The following CTPS2 variants were observed in gnomAD, a reference collection of about 807,000 sequenced individuals.
CTPS2 encodes the protein CTP synthase II.
A neutral mutation model predicts 46.8 loss-of-function variants in CTPS2; 19 were observed. That is an observed-to-expected ratio of 0.41 (90% CI 0.28 to 0.60). CTPS2 has a LOEUF of 0.60. CTPS2 is among the 20% of genes least tolerant of loss of function. CTPS2 has a pLI of 0.35. For synonymous variants in CTPS2, 151 were observed against 165.2 expected, an observed-to-expected ratio of 0.91 and a Z score of 0.66; for missense variants, 286 against 447.6, an observed-to-expected ratio of 0.64 and a Z score of 3.26.
intron 1 of CTPS2, among the ~76,000 whole-genome samples, chrX:16,711,310 T>G (rs1322274568): frequency 2.7e-5 from 3 of 111,798 alleles, no homozygotes; most frequent in Non-Finnish European, 1.9e-5. Flanking sequence ...TGTACTAAGC[T>G]TTCAGAAATC....
chrX:16,593,239 C>T (rs1009306878), intron 17 of CTPS2, among the ~76,000 whole-genome samples: 2 of 110,686 alleles, frequency 1.8e-5, no homozygotes, highest in Admixed American at 9.6e-5. Flanking sequence ...ATCATCCTGG[C>T]TAACACGGTG....
At chrX:16,708,067 T>C (rs938117381) in intron 1 of CTPS2, among the ~76,000 whole-genome samples, 1 of 112,264 alleles carries the variant, frequency 8.9e-6, no homozygotes, top group African/African-American at 3.2e-5. Context: ...ATTTGTAATT[T>C]CACAATTTTT....
intron 13 of CTPS2, among the ~76,000 whole-genome samples, chrX:16,659,186 C>T: frequency 9.0e-6 from 1 of 111,611 alleles, no homozygotes; most frequent in East Asian, 2.8e-4. Context: ...TAGCCCCTCG[C>T]AGAGTTAATA....
intron 14 of CTPS2, among the ~76,000 whole-genome samples, chrX:16,636,969 G>A (rs947979535): frequency 8.9e-6 from 1 of 111,745 alleles, no homozygotes; most frequent in Non-Finnish European, 1.9e-5. Flanking sequence ...ACTACTAATA[G>A]ACAAATTATA....
At chrX:16,599,267 C>T (rs1216550564) in intron 17 of CTPS2, among the ~76,000 whole-genome samples, 1 of 111,156 alleles carries the variant, frequency 9.0e-6, no homozygotes, top group Non-Finnish European at 1.9e-5. Flanking sequence ...GGTCTATCTA[C>T]CATTAATGAA....
At chrX:16,627,574 AC>A (rs1181452970) in intron 14 of CTPS2, among the ~76,000 whole-genome samples, 1 of 111,185 alleles carries the variant, frequency 9.0e-6, no homozygotes. Flanking sequence ...CACAGTCCCT[AC>A]CACTCCTTAC....
chrX:16,666,632 G>C (rs1356135566), intron 13 of CTPS2, among the ~76,000 whole-genome samples: 1 of 111,399 alleles, frequency 9.0e-6, no homozygotes, highest in East Asian at 2.8e-4. Flanking sequence ...CTGTGTGACA[G>C]AGTGAGAACT....
chrX:16,704,057 G>A (rs1284646451), intron 1 of CTPS2, among the ~76,000 whole-genome samples: 1 of 108,554 alleles, frequency 9.2e-6, no homozygotes, highest in African/African-American at 3.4e-5. Context: ...TCATGCCTCA[G>A]CCTCCCAAGT....
chrX:16,663,909 C>A (rs998718959), intron 13 of CTPS2, among the ~76,000 whole-genome samples: 2 of 110,890 alleles, frequency 1.8e-5, no homozygotes, highest in Non-Finnish European at 3.8e-5. Flanking sequence ...AATCTCGGCT[C>A]ACTGGAAGCT....
chrX:16,632,330 G>A (rs780483226), intron 14 of CTPS2, among the ~76,000 whole-genome samples: 2 of 111,785 alleles, frequency 1.8e-5, no homozygotes, highest in East Asian at 5.6e-4. Flanking sequence ...AAAAATCGAG[G>A]TATAATTTAC....
chrX:16,708,120 C>A (rs1162131944), intron 1 of CTPS2, among the ~76,000 whole-genome samples: 1 of 112,180 alleles, frequency 8.9e-6, no homozygotes, highest in Non-Finnish European at 1.9e-5. Context: ...CGGGTAGGAA[C>A]AATTTCAGTT....
chrX:16,656,661 G>A (rs1248974590), intron 13 of CTPS2, among the ~76,000 whole-genome samples: 4 of 111,667 alleles, frequency 3.6e-5, no homozygotes, highest in Non-Finnish European at 7.5e-5. Flanking sequence ...TGATCCGCTC[G>A]TCTCGGCCTC....
chrX:16,687,265 C>T (rs1372286062), intron 8 of CTPS2, among the ~76,000 whole-genome samples: 3 of 109,141 alleles, frequency 2.7e-5, no homozygotes, highest in Non-Finnish European at 5.7e-5. Context: ...TTTGGGAGGC[C>T]GAGGCAGGAA....
At chrX:16,711,202 T>C (rs753174981) in intron 1 of CTPS2, among the ~76,000 whole-genome samples, 1 of 112,447 alleles carries the variant, frequency 8.9e-6, no homozygotes, top group Non-Finnish European at 1.9e-5. Context: ...ATGAAGTTCA[T>C]GTTAATATAT....
chrX:16,682,408 G>A (rs1229987667), intron 9 of CTPS2, among the ~76,000 whole-genome samples: 2 of 111,957 alleles, frequency 1.8e-5, no homozygotes, highest in East Asian at 2.8e-4. Context: ...TTGCTGGAAC[G>A]GTGAAGACAG....
chrX:16,643,312 C>T (rs1194138862), intron 13 of CTPS2, among the ~76,000 whole-genome samples: 1 of 111,898 alleles, frequency 8.9e-6, no homozygotes, highest in Non-Finnish European at 1.9e-5. Context: ...AAAGCCTACT[C>T]ACCAGCAGCT....
At chrX:16,599,306 G>A (rs1036267127) in intron 17 of CTPS2, among the ~76,000 whole-genome samples, 9 of 110,935 alleles carry the variant, frequency 8.1e-5, no homozygotes, top group Non-Finnish European at 1.5e-4. Flanking sequence ...TTATGCATGC[G>A]TGTGCCTCCC....
intron 1 of CTPS2, among the ~76,000 whole-genome samples, chrX:16,705,351 T>C (rs189679698): frequency 8.9e-6 from 1 of 112,294 alleles, no homozygotes; most frequent in Admixed American, 9.5e-5. Context: ...AAGAGACTGA[T>C]TTGAGTAACT....
intron 14 of CTPS2, among the ~76,000 whole-genome samples, chrX:16,636,848 C>T (rs1602173217): frequency 4.6e-5 from 5 of 109,274 alleles, no homozygotes; most frequent in East Asian, 2.9e-4. Flanking sequence ...ACCTGGGAGG[C>T]GGAGCTTGCA....
Sources: allele counts gnomAD v4.1 joint callset (sites outside exome capture counted in the v4.1 genomes callset), GRCh38; gene constraint gnomAD v4.1.1; transcripts MANE v1.5; gene names NCBI Gene and HGNC (gene_info 2026-07-23, HGNC 2026-07-21).